Variants in SGSM3 observed in about 807,000 individuals in gnomAD.
The protein encoded by SGSM3 is RUN and SH3 containing 3.
In SGSM3, 96 loss-of-function variants were observed where a neutral mutation model predicts 100.5. That is an observed-to-expected ratio of 0.96 (90% CI 0.81 to 1.13). The LOEUF (loss-of-function observed/expected upper bound fraction) is 1.13. Ranked by LOEUF, SGSM3 falls within the 50% of genes most tolerant of loss-of-function variation. The probability of loss-of-function intolerance (pLI) is 0.00; values close to 1 mark genes in which losing one functional copy is unlikely to be tolerated. For synonymous variants in SGSM3, 483 were observed against 422.8 expected, an observed-to-expected ratio of 1.14 and a Z score of -1.75; for missense variants, 1,001 against 1,015.8, an observed-to-expected ratio of 0.99 and a Z score of 0.20.
chr22:40,383,052 C>G (rs374805588), intron 1 of SGSM3, among the ~76,000 whole-genome samples: 4 of 152,152 alleles, frequency 2.6e-5, no homozygotes, highest in Non-Finnish European at 4.4e-5. Flanking sequence ...ATGAAACAGG[C>G]GATTACTACT....
chr22:40,407,918 C>G lies in SGSM3; in HGVS notation c.1579+75C>G. 1 of 1,497,796 alleles carries G rather than the reference C, an allele frequency of 6.7e-7. No individual in the cohort carries two copies. Among genetic ancestry groups the G allele is most frequent in the Middle Eastern group, 1.8e-4 (1 of 5,656 alleles). The allele number at this position is 1,497,796 out of a possible 1,614,324, so 92.8% of individuals were successfully genotyped here. On this transcript the variant is annotated intron_variant, in intron 14 of 21. Transcript: ENST00000248929. This position sits in a 1 kb window ranked among gnomAD's most constrained non-coding sequence, Gnocchi z 4.7. Reference sequence around the variant, plus strand: ...CACAGAAGACTTGGGTGACCCTGGCCGCCACCAAGCTGTTCTCCTCTATAC... The same window carrying G: ...CACAGAAGACTTGGGTGACCCTGGCGGCCACCAAGCTGTTCTCCTCTATAC...
intron 4 of SGSM3, among the ~76,000 whole-genome samples, chr22:40,403,772 A>G (rs2051068103): frequency 6.6e-6 from 1 of 152,168 alleles, no homozygotes; most frequent in Non-Finnish European, 1.5e-5. Context: ...GCTGAGGGGA[A>G]CAGCCTTTGG....
chr22:40,376,535 AGT>A (rs2046634951), intron 1 of SGSM3: 1 of 152,180 alleles, frequency 6.6e-6, no homozygotes. Context: ...TGGAATAATT[AGT>A]GCTACTCATA....
rs201400741 is a variant in SGSM3, at chr22:40,407,789, A to G, written c.1525A>G (p.Ile509Val). The change falls in exon 14 of 22, where the codon ATC becomes GTC. Residue 509 changes from isoleucine (I) to valine (V), a missense_variant and splice_region_variant. Coordinates refer to ENST00000248929, the MANE Select transcript of SGSM3 (RefSeq NM_015705.6). This position sits in a 1 kb window ranked among gnomAD's most constrained non-coding sequence, Gnocchi z 4.7. ...LGFRKNDIIT[I>V]VSQKDEHCWV... ...TCCTGCTGTTTTTCCTCCTGTGCAG[A>G]TCGTGTCTCAGAAGGACGAGCACTG... The G allele has an allele frequency of 6.5e-5, 105 of 1,614,022 alleles. No homozygotes were observed. Among genetic ancestry groups the G allele is most frequent in the Middle Eastern group, 1.6e-4 (1 of 6,062 alleles).
In SGSM3 at chr22:40,409,316, C is replaced by G; in HGVS notation, c.2055C>G (p.Tyr685Ter). 2 of 1,613,274 alleles carry G rather than the reference C, an allele frequency of 1.2e-6. No homozygotes were observed. The highest frequency in any genetic ancestry group is 2.2e-5 in the South Asian group (2 of 91,052). ...CSSLPTVEKW[Y>*]QPWSFLRSPG... is the part of the protein sequence containing the mutation. ...GCCTGCCCACCGTGGAGAAGTGGTA[C>G]CAGCCCTGGTCCTTCCTGCGCAGCC... is the stretch of plus-strand genomic sequence containing the variant. The change falls in exon 20 of 22, where the codon TAC becomes TAG. Residue 685 changes from tyrosine to a stop codon, truncating the protein, a stop_gained. Transcript: ENST00000248929. LOFTEE classifies it high-confidence loss of function.
At position 40,409,661 on chromosome 22, in the gene SGSM3, G is replaced by A. The variant is rs1259947238; in HGVS notation, c.2173-21G>A. On this transcript the variant is annotated intron_variant, in intron 21 of 21. Transcript: ENST00000248929. Reference sequence around the variant, plus strand: ...CAGCCATGCCCAAGGCCTGTGAGGTGAGGGGCTGCCCTGTTTGCAGGCGCA... The same window carrying A: ...CAGCCATGCCCAAGGCCTGTGAGGTAAGGGGCTGCCCTGTTTGCAGGCGCA... The A allele has an allele frequency of 1.9e-6, 3 of 1,613,278 alleles. 1 individual carries two copies. Among genetic ancestry groups the A allele is most frequent in the East Asian group, 2.2e-5 (1 of 44,862 alleles).
At chr22:40,390,024 G>A (rs2049142417) in intron 1 of SGSM3, among the ~76,000 whole-genome samples, 2 of 151,612 alleles carry the variant, frequency 1.3e-5, no homozygotes, top group South Asian at 4.2e-4. Flanking sequence ...TAATAAAGCA[G>A]ATATGTGAAA....
chr22:40,390,709 A>G (rs2049237900), intron 1 of SGSM3, among the ~76,000 whole-genome samples: 1 of 152,200 alleles, frequency 6.6e-6, no homozygotes, highest in African/African-American at 2.4e-5. Flanking sequence ...GGGGGCCCAG[A>G]GGAATAGGGG....
rs1234342743 is a variant in SGSM3, at chr22:40,386,160, G to A, written c.-111-14536G>A. ...CTCCCAGAGTGCTGGGATCACAAATGTGAGCCACCACCTCTCCCAGCCAAG... is the reference window on the plus strand; with the variant it reads ...CTCCCAGAGTGCTGGGATCACAAATATGAGCCACCACCTCTCCCAGCCAAG... On this transcript the variant is annotated intron_variant, in intron 1 of 21. Transcript: ENST00000248929. Among the ~76,000 whole-genome samples, 3 of 152,086 alleles carry A rather than the reference G, an allele frequency of 2.0e-5. No homozygotes were observed. In the South Asian group the frequency reaches 6.2e-4, roughly 32 times the overall value.
rs918016135 is a variant in SGSM3 at position 40,409,977 on chromosome 22, A to AGTTT, written c.*221_*224dup. On this transcript the variant is annotated 3_prime_UTR_variant, in exon 22 of 22. Transcript: ENST00000248929. ...TTAGGGATGCTCTAGGCCAAACCAC[A>AGTTT]GTTTGTACCAAAAACCTTGTGAGGA... 6 of 1,345,286 alleles carry AGTTT rather than the reference A, an allele frequency of 4.5e-6. No homozygotes were observed. The highest frequency in any genetic ancestry group is 3.8e-5 in the Admixed American group (1 of 26,620). The allele number at this position is 1,345,286 out of a possible 1,614,324, so 83.3% of individuals were successfully genotyped here.
chr22:40,373,421 C>T (rs1324818426), intron 1 of SGSM3: 1 of 152,198 alleles, frequency 6.6e-6, no homozygotes, highest in Non-Finnish European at 1.5e-5. Flanking sequence ...GACTTCTACC[C>T]TCAACTCTGT....
intron 1 of SGSM3, among the ~76,000 whole-genome samples, chr22:40,392,907 A>G (rs1329517398): frequency 6.6e-6 from 1 of 152,206 alleles, no homozygotes; most frequent in Non-Finnish European, 1.5e-5. Context: ...CCTATGTTGG[A>G]CATTTCATAT....
rs750862176 is a variant in SGSM3 at position 40,409,699 on chromosome 22, G to A, written c.2190G>A (p.Lys730=). The change falls in exon 22 of 22, where the codon AAG becomes AAA. Residue 730 remains lysine, a synonymous_variant. Coordinates refer to ENST00000248929, the MANE Select transcript of SGSM3 (RefSeq NM_015705.6). ...GTTTGCAGGCGCAGCAGCCCCTGAA[G>A]GAGGGCGTCCGGGACATGCTGGTGA... ...PAKREAQQPL[K]EGVRDMLVKH... is the part of the protein sequence containing the mutation. 1.9e-6 allele frequency: 3 copies of A among 1,613,306 alleles called. No individual in the cohort carries two copies. The highest frequency in any genetic ancestry group is 2.5e-6 in the Non-Finnish European group (3 of 1,179,792).
At chr22:40,384,628 A>G (rs374773940) in intron 1 of SGSM3, among the ~76,000 whole-genome samples, 8 of 152,074 alleles carry the variant, frequency 5.3e-5, no homozygotes, top group African/African-American at 1.7e-4. Flanking sequence ...AAAATACAAA[A>G]AATTAGCTGG....
At chr22:40,404,104 T>G in intron 4 of SGSM3, 143 bp from the exon 5 acceptor site, 1 of 607,908 alleles carries the variant, frequency 1.6e-6, no homozygotes, top group Non-Finnish European at 2.7e-6. Context: ...CAGAAAGCCA[T>G]TAGCTATGGG....
Position 40,407,768 on chromosome 22 carries a change from GCTGTTTTTCCTC to G in SGSM3, c.1525-16_1525-5del. On this transcript the variant is annotated splice_polypyrimidine_tract_variant and intron_variant, in intron 13 of 21. Coordinates refer to ENST00000248929, the MANE Select transcript of SGSM3 (RefSeq NM_015705.6). The surrounding 1 kb of genome is among the most constrained non-coding windows in gnomAD (Gnocchi z 4.7). Reference sequence around the variant, plus strand: ...CCCAGGGCACCCAGCTTTGGTTCCTGCTGTTTTTCCTCCTGTGCAGATCGTGTCTCAGAAGGA... The same window carrying G: ...CCCAGGGCACCCAGCTTTGGTTCCTGCTGTGCAGATCGTGTCTCAGAAGGA... 2 of 1,614,004 alleles carry G rather than the reference GCTGTTTTTCCTC, an allele frequency of 1.2e-6. No homozygotes were observed. Among genetic ancestry groups the G allele is most frequent in the Non-Finnish European group, 1.7e-6 (2 of 1,179,958 alleles).
chr22:40,402,277 T>C, intron 4 of SGSM3, 72 bp downstream of exon 4: 5 of 1,176,012 alleles, frequency 4.3e-6, no homozygotes, highest in Non-Finnish European at 6.4e-6. Flanking sequence ...CTTGACTGAA[T>C]TACTCGGCCT....
Position 40,408,644 on chromosome 22 carries a change from CGAGA to C in SGSM3, c.1805_1808del (p.Arg602ThrfsTer24). On this transcript the variant is annotated frameshift_variant, in exon 17 of 22. Coordinates refer to ENST00000248929, the MANE Select transcript of SGSM3 (RefSeq NM_015705.6). LOFTEE classifies it high-confidence loss of function. ...CCCCACAGGCTGCAGGCCGGGAGGT[CGAGA>C]GAGACTTTGCCTCCGTGTATTCCCG... The C allele has an allele frequency of 6.2e-7, 1 of 1,613,974 alleles. No individual in the cohort carries two copies. Among genetic ancestry groups the C allele is most frequent in the Non-Finnish European group, 8.5e-7 (1 of 1,180,018 alleles).
rs1049467665 is a variant in SGSM3, at chr22:40,410,021, G to C, written c.*262G>C. The C allele has an allele frequency of 8.3e-6, 11 of 1,326,788 alleles. No individual in the cohort carries two copies. In the African/African-American group the frequency reaches 1.1e-4, roughly 13 times the overall value. The allele number at this position is 1,326,788 out of a possible 1,614,324, so 82.2% of individuals were successfully genotyped here. ...GTGAGGAGGTGGGGGAGCCATGTCT[G>C]TGCTCAGGAAGAGGGAAGGGGATGG... On this transcript the variant is annotated 3_prime_UTR_variant, in exon 22 of 22. Transcript: ENST00000248929.
Sources: allele counts gnomAD v4.1 joint callset (sites outside exome capture counted in the v4.1 genomes callset), GRCh38; gene constraint gnomAD v4.1.1; non-coding constraint Gnocchi (gnomAD v3.1); transcripts MANE v1.5; gene names NCBI Gene and HGNC (gene_info 2026-07-23, HGNC 2026-07-21).